Variants in DRC11 observed in about 807,000 individuals in gnomAD.
The protein encoded by DRC11 is dynein regulatory complex subunit 11.
the DRC11 span, among the ~76,000 whole-genome samples, chr2:236,487,145 C>T: frequency 6.6e-6 from 1 of 152,144 alleles, no homozygotes; most frequent in East Asian, 1.9e-4. Context: ...TTGGTTTCTT[C>T]AAGAGGAACA....
chr2:236,358,058 T>C, the DRC11 span, among the ~76,000 whole-genome samples: 1 of 118,924 alleles, frequency 8.4e-6, no homozygotes, highest in South Asian at 2.6e-4. Flanking sequence ...TAGATATATA[T>C]TATATGAATA....
At chr2:236,326,792 TTGTGTGTGTGTGTGTGTGTGTGTGTG>T in the DRC11 span, among the ~76,000 whole-genome samples, 5 of 143,996 alleles carry the variant, frequency 3.5e-5, no homozygotes, top group East Asian at 2.1e-4. Context: ...TTCAGATTTG[TTGTGTGTGTGTGTGTGTGTGTGTGTG>T]TGTGTGTGTG....
chr2:236,494,064 A>G, the DRC11 span, among the ~76,000 whole-genome samples: 1 of 152,234 alleles, frequency 6.6e-6, no homozygotes, highest in African/African-American at 2.4e-5. This position sits in a 1 kb window ranked among gnomAD's most constrained non-coding sequence, Gnocchi z 4.2. Flanking sequence ...CTAAAGAGAC[A>G]CAAAGTCAGA....
chr2:236,443,463 T>C, the DRC11 span, among the ~76,000 whole-genome samples: 1 of 152,194 alleles, frequency 6.6e-6, no homozygotes, highest in African/African-American at 2.4e-5. This position sits in a 1 kb window ranked among gnomAD's most constrained non-coding sequence, Gnocchi z 4.4. Context: ...AGCTCCCACA[T>C]ATAAGTGAGA....
At chr2:236,486,800 C>G in the DRC11 span, 282,276 of 1,459,370 alleles carry the variant, frequency 0.19, 29,866 homozygotes, top group Non-Finnish European at 0.22. The surrounding 1 kb of genome is among the most constrained non-coding windows in gnomAD (Gnocchi z 5.7). Flanking sequence ...TTTAAGAAAA[C>G]CAGATGCTAT....
chr2:236,493,626 T>C, the DRC11 span: 1 of 569,766 alleles, frequency 1.8e-6, no homozygotes, highest in Non-Finnish European at 2.8e-6. Context: ...GTTATGCAAC[T>C]TCTTATGTAC....
the DRC11 span, among the ~76,000 whole-genome samples, chr2:236,459,259 C>T: frequency 1.3e-5 from 2 of 152,028 alleles, no homozygotes; most frequent in Non-Finnish European, 2.9e-5. Context: ...TAATACAACA[C>T]ATACAAATTA....
chr2:236,378,063 A>T, the DRC11 span, among the ~76,000 whole-genome samples: 1 of 152,316 alleles, frequency 6.6e-6, no homozygotes, highest in East Asian at 1.9e-4. Flanking sequence ...GATCCAAGTT[A>T]GTGTGATTAA....
the DRC11 span, among the ~76,000 whole-genome samples, chr2:236,347,314 G>C: frequency 1.3e-5 from 2 of 152,054 alleles, no homozygotes; most frequent in African/African-American, 4.8e-5. Flanking sequence ...AAACGGTGTG[G>C]AGATTCCTTA....
chr2:236,433,163 A>C, the DRC11 span, among the ~76,000 whole-genome samples: 1 of 152,018 alleles, frequency 6.6e-6, no homozygotes, highest in Non-Finnish European at 1.5e-5. Flanking sequence ...ATATGTTTTC[A>C]TACCTGGCAA....
At chr2:236,482,129 A>C in the DRC11 span, among the ~76,000 whole-genome samples, 3 of 151,040 alleles carry the variant, frequency 2.0e-5, no homozygotes, top group Non-Finnish European at 4.4e-5. This position sits in a 1 kb window ranked among gnomAD's most constrained non-coding sequence, Gnocchi z 4.5. Context: ...AATTCTATGT[A>C]TAATTCTACA....
chr2:236,351,913 AGGCAGGGAG>A, the DRC11 span, among the ~76,000 whole-genome samples: 46 of 152,232 alleles, frequency 3.0e-4, no homozygotes, highest in African/African-American at 1.1e-3. This position sits in a 1 kb window ranked among gnomAD's most constrained non-coding sequence, Gnocchi z 7.3. Context: ...GCAGCAGGGC[AGGCAGGGAG>A]GGCTGCTGGG....
At chr2:236,422,324 A>T in the DRC11 span, among the ~76,000 whole-genome samples, 1 of 152,200 alleles carries the variant, frequency 6.6e-6, no homozygotes, top group Admixed American at 6.5e-5. Context: ...TCTCAGCCCA[A>T]AATCTCCTTA....
At chr2:236,485,728 C>G in the DRC11 span, among the ~76,000 whole-genome samples, 2 of 152,154 alleles carry the variant, frequency 1.3e-5, no homozygotes, top group South Asian at 4.1e-4. Context: ...AGGGACAGAG[C>G]CCAGCCTGGC....
At chr2:236,450,862 C>T in the DRC11 span, among the ~76,000 whole-genome samples, 1 of 152,060 alleles carries the variant, frequency 6.6e-6, no homozygotes, top group African/African-American at 2.4e-5. Context: ...ATTTGTCCTT[C>T]CTTATTGTTC....
At chr2:236,448,501 A>G in the DRC11 span, among the ~76,000 whole-genome samples, 1 of 151,278 alleles carries the variant, frequency 6.6e-6, no homozygotes, top group Non-Finnish European at 1.5e-5. The surrounding 1 kb of genome is among the most constrained non-coding windows in gnomAD (Gnocchi z 5.3). Flanking sequence ...ATGCCTGGCT[A>G]ATTTTTGTAT....
At chr2:236,366,021 G>A in the DRC11 span, among the ~76,000 whole-genome samples, 2 of 152,136 alleles carry the variant, frequency 1.3e-5, no homozygotes, top group Non-Finnish European at 2.9e-5. Flanking sequence ...CTGCATCTTG[G>A]AACAGCTTAC....
the DRC11 span, among the ~76,000 whole-genome samples, chr2:236,477,107 C>T: frequency 5.3e-5 from 8 of 151,908 alleles, no homozygotes; most frequent in Non-Finnish European, 1.2e-4. Context: ...GGTACCAGAC[C>T]TTATAGAATG....
chr2:236,375,168 T>C, the DRC11 span, among the ~76,000 whole-genome samples: 114 of 152,226 alleles, frequency 7.5e-4, no homozygotes, highest in Non-Finnish European at 1.0e-3. The surrounding 1 kb of genome is among the most constrained non-coding windows in gnomAD (Gnocchi z 4.2). Flanking sequence ...TGAGGTTTGG[T>C]GGGCGCACAG....
Sources: allele counts gnomAD v4.1 joint callset (sites outside exome capture counted in the v4.1 genomes callset), GRCh38; gene constraint gnomAD v4.1.1; non-coding constraint Gnocchi (gnomAD v3.1); transcripts MANE v1.5; gene names NCBI Gene and HGNC (gene_info 2026-07-23, HGNC 2026-07-21).